The following IQCE variants were observed in gnomAD, a reference collection of about 807,000 sequenced individuals.
IQCE encodes IQ domain-containing protein E.
Under a neutral mutation model 96.0 loss-of-function variants are expected in IQCE, and 115 were observed. That is an observed-to-expected ratio of 1.20 (90% CI 1.03 to 1.40). IQCE has a LOEUF of 1.40. Ranked by LOEUF, IQCE falls within the 40% of genes most tolerant of loss-of-function variation. The pLI is 0.00. For missense variants in IQCE, 1,041 were observed against 909.1 expected (o/e 1.15, Z -1.87); for synonymous variants, 412 against 371.2 (o/e 1.11, Z -1.26).
intron 18 of IQCE, among the ~76,000 whole-genome samples, chr7:2,603,528 A>G (rs558548278): frequency 6.0e-4 from 92 of 152,274 alleles, no homozygotes; most frequent in Non-Finnish European, 1.2e-3. Context: ...TAAAGACAGC[A>G]GTGAGGCTGC....
Position 2,587,855 on chromosome 7 carries a change from G to A in IQCE, c.1022G>A (p.Arg341Lys), listed in dbSNP as rs190428306. 2.1e-4 allele frequency: 345 copies of A among 1,614,112 alleles called. 6 individuals carry two copies. In the East Asian group the frequency reaches 7.4e-3, roughly 35 times the overall value. The change falls in exon 13 of 22, where the codon AGG becomes AAG. Residue 341 changes from arginine (R) to lysine (K), a missense_variant. Physicochemically the swap from Arg to Lys is conservative, Grantham distance 26 (BLOSUM62 2). Transcript: ENST00000402050. ...YVEWSKPRLL[R>K]RIVELEKKLS... ...GAGTGGAGCAAGCCCCGGCTGCTGAGGCGCATTGTGGAGCTGGAGAAGGTG... is the reference window on the plus strand; with the variant it reads ...GAGTGGAGCAAGCCCCGGCTGCTGAAGCGCATTGTGGAGCTGGAGAAGGTG...
intron 14 of IQCE, among the ~76,000 whole-genome samples, chr7:2,590,969 C>G (rs758875355): frequency 6.6e-6 from 1 of 151,892 alleles, no homozygotes; most frequent in Non-Finnish European, 1.5e-5. Flanking sequence ...CATAAATGCT[C>G]CAGCCTGACG....
Position 2,559,023 on chromosome 7 carries a change from C to T in IQCE, c.-159C>T, listed in dbSNP as rs376266635. 1.1e-5 allele frequency: 4 copies of T among 371,988 alleles called. No individual in the cohort carries two copies. Among genetic ancestry groups the T allele is most frequent in the East Asian group, 8.6e-5 (2 of 23,260 alleles). The allele number at this position is 371,988 out of a possible 1,614,324, so 23.0% of individuals were successfully genotyped here. A position where few individuals can be genotyped will look rare whatever the true frequency, so the allele number is the denominator to read the frequency against. On this transcript the variant is annotated 5_prime_UTR_variant, in exon 1 of 22. Coordinates refer to ENST00000402050, the MANE Select transcript of IQCE (RefSeq NM_152558.5). ...CCAGGGGGAACGCAGGTCGCTTACCCGGCTGGGTAGGTCGGCGGCCTGGTT... is the reference window on the plus strand; with the variant it reads ...CCAGGGGGAACGCAGGTCGCTTACCTGGCTGGGTAGGTCGGCGGCCTGGTT...
intron 3 of IQCE, among the ~76,000 whole-genome samples, chr7:2,570,029 T>C (rs1781648948): frequency 6.6e-6 from 1 of 152,150 alleles, no homozygotes; most frequent in Non-Finnish European, 1.5e-5. Flanking sequence ...CCTGTTTTTC[T>C]CCGGGTTTCT....
chr7:2,610,583 T>C lies in IQCE; in HGVS notation c.*421T>C. ...TGGTGACACCCTCAACAACCAGGAT[T>C]TGCTCGATCTCAGCCCAGCAGGCCA... On this transcript the variant is annotated 3_prime_UTR_variant, in exon 22 of 22. Coordinates refer to ENST00000402050, the MANE Select transcript of IQCE (RefSeq NM_152558.5). 5.3e-6 allele frequency: 1 copy of C among 188,496 alleles called. No homozygotes were observed. Among genetic ancestry groups the C allele is most frequent in the Non-Finnish European group, 1.1e-5 (1 of 90,160 alleles). 11.7% of individuals were successfully genotyped at this position (188,496 alleles called of 1,614,324 possible).
chr7:2,572,366 A>G (rs1583408213), intron 5 of IQCE, 40 bp downstream of exon 5: 1 of 1,599,620 alleles, frequency 6.3e-7, no homozygotes, highest in South Asian at 1.1e-5. Context: ...GCCAAGGAAG[A>G]GCAGAAAGGA....
intron 19 of IQCE, among the ~76,000 whole-genome samples, chr7:2,605,641 T>C (rs1006710188): frequency 7.2e-6 from 1 of 138,366 alleles, no homozygotes; most frequent in South Asian, 2.1e-4. Context: ...AATAAGTAAA[T>C]AAATAAATAA....
At chr7:2,563,503 C>T (rs1489405140) in intron 1 of IQCE, among the ~76,000 whole-genome samples, 2 of 151,858 alleles carry the variant, frequency 1.3e-5, no homozygotes, top group Non-Finnish European at 2.9e-5. Flanking sequence ...CCACCACGCC[C>T]GGCCCTGCTT....
chr7:2,588,356 T>G (rs1356705003), intron 13 of IQCE, among the ~76,000 whole-genome samples: 1 of 151,898 alleles, frequency 6.6e-6, no homozygotes, highest in Non-Finnish European at 1.5e-5. Context: ...GTTTTTGTTT[T>G]TTTTTTCTTT....
rs1434261350 is a variant in IQCE at position 2,612,012 on chromosome 7, A to G, written c.*1850A>G. On this transcript the variant is annotated 3_prime_UTR_variant, in exon 22 of 22. Coordinates refer to ENST00000402050, the MANE Select transcript of IQCE (RefSeq NM_152558.5). ...GGTCCTAGGAGCCAGTCCACCTCGAAAGCCCTGAGAAAGTGAGACACCTGC... is the reference window on the plus strand; with the variant it reads ...GGTCCTAGGAGCCAGTCCACCTCGAGAGCCCTGAGAAAGTGAGACACCTGC... 1 of 152,002 alleles carries G rather than the reference A, an allele frequency of 6.6e-6. No homozygotes were observed. The highest frequency in any genetic ancestry group is 1.5e-5 in the Non-Finnish European group (1 of 68,012). 9.4% of individuals were successfully genotyped at this position (152,002 alleles called of 1,614,324 possible).
In IQCE at chr7:2,607,452, G is replaced by A; in HGVS notation, c.1969+225G>A. 3 of 1,318,276 alleles carry A rather than the reference G, an allele frequency of 2.3e-6. No homozygotes were observed. The South Asian group carries it at 6.3e-5, about 28-fold the overall frequency. The allele number at this position is 1,318,276 out of a possible 1,614,324, so 81.7% of individuals were successfully genotyped here. A position where few individuals can be genotyped will look rare whatever the true frequency, so the allele number is the denominator to read the frequency against. On this transcript the variant is annotated intron_variant, in intron 21 of 21. Transcript: ENST00000402050. ...TGTGCCTGGAATTGCCGAGGTCCTT[G>A]CTGTCTTTATTTTTTGCTCTCAGCT...
chr7:2,604,049 C>G (rs1458221261), intron 18 of IQCE, among the ~76,000 whole-genome samples: 1 of 150,986 alleles, frequency 6.6e-6, no homozygotes, highest in Non-Finnish European at 1.5e-5. Flanking sequence ...AGTGCAGTGG[C>G]CCAATCTTGG....
chr7:2,567,029 G>A (rs914375562), intron 1 of IQCE, 87 bp from the exon 2 acceptor site: 1 of 1,083,890 alleles, frequency 9.2e-7, no homozygotes, highest in Non-Finnish European at 1.4e-6. Context: ...CAGCAGCTGT[G>A]GACGGGCTGT....
At chr7:2,584,353 G>A (rs1782933676) in intron 11 of IQCE, 68 bp downstream of exon 11, 2 of 1,456,972 alleles carry the variant, frequency 1.4e-6, no homozygotes, top group Non-Finnish European at 1.9e-6. Flanking sequence ...CTCTGAGAAT[G>A]TGTGGCTGTC....
At chr7:2,568,861 C>A in intron 2 of IQCE, 93 bp from the exon 3 acceptor site, 1 of 1,196,290 alleles carries the variant, frequency 8.4e-7, no homozygotes. Context: ...GCTGCTCTTA[C>A]ACGACCCCTG....
rs55958164 is a variant in IQCE at position 2,610,442 on chromosome 7, G to T, written c.*280G>T. On this transcript the variant is annotated 3_prime_UTR_variant, in exon 22 of 22. Coordinates refer to ENST00000402050, the MANE Select transcript of IQCE (RefSeq NM_152558.5). ...CAGACACATCTGCCGTGAACTCGCA[G>T]ATGCCAGGGAGCCCTGTAGTGACAC... 0.11 allele frequency: 39,762 copies of T among 355,206 alleles called. 2,768 individuals are homozygous for T. Among genetic ancestry groups the T allele is most frequent in the Non-Finnish European group, 0.13 (25,545 of 190,086 alleles). 22.0% of individuals were successfully genotyped at this position (355,206 alleles called of 1,614,324 possible). A position where few individuals can be genotyped will look rare whatever the true frequency, so the allele number is the denominator to read the frequency against.
At chr7:2,585,197 C>A (rs11979267) in intron 11 of IQCE, among the ~76,000 whole-genome samples, 3,508 of 152,108 alleles carry the variant, frequency 0.023, 136 homozygotes, top group African/African-American at 0.078. Flanking sequence ...GCCACCACAC[C>A]CAGATAATTT....
In IQCE at chr7:2,594,874, T is replaced by C. The variant is rs780627039; in HGVS notation, c.1350-12T>C. On this transcript the variant is annotated splice_polypyrimidine_tract_variant and intron_variant, in intron 15 of 21. Coordinates refer to ENST00000402050, the MANE Select transcript of IQCE (RefSeq NM_152558.5). ...CAGGTGAGGTGTCTCATCTTTTCCC[T>C]TTCCGCCTTAGAGAGGAGATTCAGA... The C allele has an allele frequency of 4.4e-6, 7 of 1,587,482 alleles. No homozygotes were observed. Among genetic ancestry groups the C allele is most frequent in the Non-Finnish European group, 6.0e-6 (7 of 1,158,526 alleles).
rs548590373 is a variant in IQCE at position 2,613,388 on chromosome 7, C to T, written c.*3226C>T. The stretch of plus-strand genomic sequence containing the variant: ...CCAGCTGGAGGGCTCCAGGGACATC[C>T]TTGGAGATACAGGAGGCTTTCCTGG... On this transcript the variant is annotated 3_prime_UTR_variant, in exon 22 of 22. Coordinates refer to ENST00000402050, the MANE Select transcript of IQCE (RefSeq NM_152558.5). 6.6e-6 allele frequency: 1 copy of T among 152,448 alleles called. No homozygotes were observed. The highest frequency in any genetic ancestry group is 2.1e-4 in the South Asian group (1 of 4,836). 9.4% of individuals were successfully genotyped at this position (152,448 alleles called of 1,614,324 possible). A position where few individuals can be genotyped will look rare whatever the true frequency, so the allele number is the denominator to read the frequency against.
Sources: allele counts gnomAD v4.1 joint callset (sites outside exome capture counted in the v4.1 genomes callset), GRCh38; gene constraint gnomAD v4.1.1; transcripts MANE v1.5; gene names NCBI Gene and HGNC (gene_info 2026-07-23, HGNC 2026-07-21).